Variants in RERE observed in about 807,000 individuals in gnomAD.
RERE encodes the protein arginine-glutamic acid dipeptide repeats.
A neutral mutation model predicts 146.1 loss-of-function variants in RERE; 40 were observed. The observed-to-expected ratio is 0.27, with a 90% CI of 0.21 to 0.36. The LOEUF is 0.36. Ranked by LOEUF, RERE falls within the 10% of genes least tolerant of loss-of-function variation. The probability of loss-of-function intolerance (pLI) is 1.00; values close to 1 mark genes in which losing one functional copy is unlikely to be tolerated. For missense variants in RERE, 1,933 were observed against 2,138.7 expected (o/e 0.90, Z 1.90); for synonymous variants, 1,003 against 866.0 (o/e 1.16, Z -2.78).
chr1:8,405,482 T>G (rs991121382), intron 12 of RERE, among the ~76,000 whole-genome samples: 25 of 152,226 alleles, frequency 1.6e-4, no homozygotes, highest in African/African-American at 5.8e-4. Flanking sequence ...AGATAAGTTT[T>G]AAATAGTCAT....
At chr1:8,782,251 C>T (rs1641179247) in intron 1 of RERE, among the ~76,000 whole-genome samples, 1 of 152,044 alleles carries the variant, frequency 6.6e-6, no homozygotes, top group Non-Finnish European at 1.5e-5. Flanking sequence ...ACTTCATCTA[C>T]CCCTCCTGCT....
At chr1:8,592,688 C>G (rs996687584) in intron 4 of RERE, among the ~76,000 whole-genome samples, 1 of 152,066 alleles carries the variant, frequency 6.6e-6, no homozygotes, top group Non-Finnish European at 1.5e-5. Flanking sequence ...TCAAGACTAG[C>G]CTGGGAAACA....
At chr1:8,796,198 G>T (rs1462484197) in intron 1 of RERE, among the ~76,000 whole-genome samples, 1 of 151,988 alleles carries the variant, frequency 6.6e-6, no homozygotes, top group Non-Finnish European at 1.5e-5. Flanking sequence ...GAATACATGG[G>T]GTGTTTAATT....
At chr1:8,791,338 CTG>C (rs1414720010) in intron 1 of RERE, among the ~76,000 whole-genome samples, 1 of 152,204 alleles carries the variant, frequency 6.6e-6, no homozygotes, top group Non-Finnish European at 1.5e-5. Flanking sequence ...TTCTTTCAGT[CTG>C]TATTTTAGTG....
At chr1:8,691,276 C>T (rs544041331) in intron 1 of RERE, among the ~76,000 whole-genome samples, 56 of 152,212 alleles carry the variant, frequency 3.7e-4, no homozygotes, top group Admixed American at 3.1e-3. Context: ...GAAAACAAAC[C>T]ACATGCTCAG....
intron 10 of RERE, among the ~76,000 whole-genome samples, chr1:8,489,120 G>T (rs1368748773): frequency 6.6e-6 from 1 of 152,074 alleles, no homozygotes; most frequent in East Asian, 1.9e-4. Context: ...GAAGTGGGAA[G>T]ATCACTTGAG....
chr1:8,764,316 C>T (rs1218646183), intron 1 of RERE, among the ~76,000 whole-genome samples: 2 of 152,078 alleles, frequency 1.3e-5, no homozygotes, highest in African/African-American at 4.8e-5. Flanking sequence ...AGCCAGGTGC[C>T]TTAGTGCCAT....
intron 1 of RERE, among the ~76,000 whole-genome samples, chr1:8,706,066 A>G (rs1169303886): frequency 1.5e-5 from 2 of 137,854 alleles, no homozygotes; most frequent in Non-Finnish European, 3.0e-5. Context: ...CCGTGAGCTG[A>G]TATTGCCATG....
At chr1:8,391,507 A>G (rs1379528607) in intron 12 of RERE, among the ~76,000 whole-genome samples, 1 of 152,012 alleles carries the variant, frequency 6.6e-6, no homozygotes, top group Admixed American at 6.5e-5. Context: ...TTCCAAGCCT[A>G]TCCTTCTCCA....
At chr1:8,547,480 A>G (rs1025080892) in intron 6 of RERE, among the ~76,000 whole-genome samples, 3 of 152,220 alleles carry the variant, frequency 2.0e-5, no homozygotes, top group African/African-American at 4.8e-5. Context: ...AAAACTGACA[A>G]AAGTGGGAGA....
intron 7 of RERE, among the ~76,000 whole-genome samples, chr1:8,533,239 T>C (rs1170897560): frequency 6.6e-6 from 1 of 152,242 alleles, no homozygotes; most frequent in Non-Finnish European, 1.5e-5. Context: ...GGACCCCTGA[T>C]GACTGTGAGG....
intron 12 of RERE, among the ~76,000 whole-genome samples, chr1:8,395,487 AAAAG>A (rs1293457980): frequency 1.3e-5 from 2 of 151,938 alleles, no homozygotes; most frequent in Non-Finnish European, 2.9e-5. Flanking sequence ...AAAAAAAAAA[AAAAG>A]AATGAACAAT....
intron 12 of RERE, among the ~76,000 whole-genome samples, chr1:8,373,355 G>A (rs936144572): frequency 6.6e-6 from 1 of 152,110 alleles, no homozygotes; most frequent in Non-Finnish European, 1.5e-5. Context: ...GCCCCACAGT[G>A]AGCATCTGGC....
In RERE at chr1:8,364,861, G is replaced by C. The variant is rs1407914854; in HGVS notation, c.1448-23C>G. The C allele has an allele frequency of 1.3e-6, 2 of 1,563,588 alleles. No individual in the cohort carries two copies. Among genetic ancestry groups the C allele is most frequent in the African/African-American group, 1.4e-5 (1 of 73,652 alleles). On this transcript the variant is annotated intron_variant, in intron 13 of 22. Transcript: ENST00000400908. The surrounding 1 kb of genome is among the most constrained non-coding windows in gnomAD (Gnocchi z 5.1). ...CCACTGGGCGTGGCAGGCACATAGTGGGGGTGGGGGAGACACCATCATGCT... is the reference window on the plus strand; with the variant it reads ...CCACTGGGCGTGGCAGGCACATAGTCGGGGTGGGGGAGACACCATCATGCT...
intron 1 of RERE, among the ~76,000 whole-genome samples, chr1:8,803,168 C>T (rs1641618271): frequency 6.6e-6 from 1 of 152,160 alleles, no homozygotes; most frequent in Non-Finnish European, 1.5e-5. Context: ...ATAAAACTAT[C>T]TGAGCTGTGA....
intron 1 of RERE, among the ~76,000 whole-genome samples, chr1:8,771,909 CAAAAAAA>C (rs768264978): frequency 1.0e-4 from 6 of 59,448 alleles, no homozygotes; most frequent in South Asian, 6.3e-4. Context: ...GACTCTGTCT[CAAAAAAA>C]AAAAAAAAAA....
intron 12 of RERE, among the ~76,000 whole-genome samples, chr1:8,367,198 T>C (rs1641844145): frequency 6.6e-6 from 1 of 152,194 alleles, no homozygotes; most frequent in South Asian, 2.1e-4. Flanking sequence ...CAAAGACATG[T>C]AGCTGCCACA....
chr1:8,434,942 C>G (rs1374085512), intron 11 of RERE: 1 of 152,220 alleles, frequency 6.6e-6, no homozygotes, highest in Non-Finnish European at 1.5e-5. Flanking sequence ...TAAGCCAGAC[C>G]TGCACGGTGG....
At chr1:8,441,595 T>C (rs991429571) in intron 11 of RERE, among the ~76,000 whole-genome samples, 2 of 152,238 alleles carry the variant, frequency 1.3e-5, no homozygotes, top group East Asian at 1.9e-4. Context: ...GAGGTCCTAG[T>C]GGAAGTGTCA....
Sources: gnomAD v4.1 joint callset for allele counts (sites outside exome capture counted in the v4.1 genomes callset) on GRCh38, gnomAD v4.1.1 for gene constraint, Gnocchi (gnomAD v3.1) non-coding constraint, MANE v1.5 for transcripts, NCBI Gene and HGNC (gene_info 2026-07-23, HGNC 2026-07-21) for gene names.